WDFY4: variants seen among roughly 807,000 people sequenced by gnomAD.
The protein encoded by WDFY4 is WDFY family member 4.
A neutral mutation model predicts 351.9 loss-of-function variants in WDFY4; 169 were observed. That is an observed-to-expected ratio of 0.48 (90% CI 0.42 to 0.55). The LOEUF (loss-of-function observed/expected upper bound fraction) is 0.55, where lower values mean the gene tolerates loss of function less well. WDFY4 is among the 20% of genes least tolerant of loss of function. The pLI is 0.00. For synonymous variants in WDFY4, 1,622 were observed against 1,574.6 expected, an observed-to-expected ratio of 1.03 and a Z score of -0.71; for missense variants, 3,803 against 3,935.6, an observed-to-expected ratio of 0.97 and a Z score of 0.90.
chr10:48,720,323 C>A (rs968018937), intron 3 of WDFY4, among the ~76,000 whole-genome samples, 198 bp downstream of exon 3: 1 of 152,118 alleles, frequency 6.6e-6, no homozygotes, highest in African/African-American at 2.4e-5. Context: ...GTCGGGGAGC[C>A]CTGCTGTTCC....
intron 39 of WDFY4, among the ~76,000 whole-genome samples, chr10:48,833,902 C>T (rs531314150): frequency 8.2e-4 from 125 of 152,322 alleles, no homozygotes; most frequent in African/African-American, 3.0e-3. Flanking sequence ...TGAGGTGGAG[C>T]CTAAATCCCA....
intron 54 of WDFY4, 27 bp downstream of exon 54, chr10:48,964,081 G>C: frequency 2.6e-6 from 4 of 1,547,888 alleles, no homozygotes; most frequent in Non-Finnish European, 3.5e-6. Flanking sequence ...CATTTGCCTT[G>C]CTTTCTCAAA....
At chr10:48,702,841 C>A (rs2063518231) in intron 1 of WDFY4, among the ~76,000 whole-genome samples, 1 of 152,168 alleles carries the variant, frequency 6.6e-6, no homozygotes, top group African/African-American at 2.4e-5. Flanking sequence ...GTTTGCATTC[C>A]CACCAGCAAG....
At chr10:48,793,803 T>C (rs187135169) in intron 23 of WDFY4, among the ~76,000 whole-genome samples, 131 of 152,282 alleles carry the variant, frequency 8.6e-4, no homozygotes, top group African/African-American at 3.0e-3. Flanking sequence ...CAGGAGTGGA[T>C]TTCATCAGTT....
rs117128988 is a variant in WDFY4, at chr10:48,684,987, C to T, written c.-32C>T. Reference sequence around the variant, plus strand: ...GCCTTCTGATGTCTACAGGCGCTGACGGCCACCCCTCCAGGTAGGCCACCT... The same window carrying T: ...GCCTTCTGATGTCTACAGGCGCTGATGGCCACCCCTCCAGGTAGGCCACCT... On this transcript the variant is annotated 5_prime_UTR_variant, in exon 1 of 62. It adds an upstream start codon to the 5' untranslated region. Coordinates refer to ENST00000325239, the MANE Select transcript of WDFY4 (RefSeq NM_001394531.1). 1.2e-4 allele frequency: 18 copies of T among 152,480 alleles called. No individual in the cohort carries two copies. Among genetic ancestry groups the T allele is most frequent in the Admixed American group, 6.5e-4 (10 of 15,312 alleles). The allele number at this position is 152,480 out of a possible 1,614,324, so 9.4% of individuals were successfully genotyped here.
chr10:48,970,253 G>C lies in WDFY4; in HGVS notation c.8892G>C (p.Met2964Ile), dbSNP rs1208210082. The C allele has an allele frequency of 5.8e-6, 9 of 1,551,554 alleles. No individual in the cohort carries two copies. In the East Asian group the frequency reaches 1.7e-4, roughly 29 times the overall value. Residue 2964 changes from methionine to isoleucine, a missense_variant, in exon 57 of 62, where the codon ATG becomes ATC. Coordinates refer to ENST00000325239, the MANE Select transcript of WDFY4 (RefSeq NM_001394531.1). ...STVVCVWELS[M>I]TKGRPRGLRL... is the part of the protein sequence containing the mutation. ...TGGTGTGTGTGTGGGAGCTCAGCAT[G>C]ACCAAAGGCCGCCCGAGGGGCTTGC...
At chr10:48,695,518 C>A (rs1188603731) in intron 1 of WDFY4, among the ~76,000 whole-genome samples, 1 of 152,228 alleles carries the variant, frequency 6.6e-6, no homozygotes, top group Non-Finnish European at 1.5e-5. Context: ...TTCTGAGTCT[C>A]GCTTTACCCA....
intron 2 of WDFY4, among the ~76,000 whole-genome samples, chr10:48,713,640 G>T (rs1396759568): frequency 6.6e-6 from 1 of 152,180 alleles, no homozygotes; most frequent in Admixed American, 6.5e-5. Context: ...TTCCCTGAGG[G>T]GAGGAGTGAG....
chr10:48,858,305 T>C (rs2069211243), intron 39 of WDFY4, among the ~76,000 whole-genome samples: 1 of 152,214 alleles, frequency 6.6e-6, no homozygotes, highest in African/African-American at 2.4e-5. Flanking sequence ...TCTTTGCTTA[T>C]CCCTAGATAT....
chr10:48,832,467 C>G, intron 38 of WDFY4, 106 bp from the exon 39 acceptor site: 1 of 1,323,656 alleles, frequency 7.6e-7, no homozygotes, highest in South Asian at 1.7e-5. Flanking sequence ...TGGAGGCAAC[C>G]ACAGGGGGCT....
chr10:48,711,692 G>A (rs762688057), intron 2 of WDFY4, among the ~76,000 whole-genome samples: 9 of 152,188 alleles, frequency 5.9e-5, no homozygotes, highest in Non-Finnish European at 8.8e-5. Flanking sequence ...CTGAAATATA[G>A]GAGTAAAGAA....
rs375532996 is a variant in WDFY4, at chr10:48,977,211, C to A, written c.9291+232C>A. ...ACACACACATGCACACACACACAGA[C>A]ACACACTAAAATAAATACTGTTACA... is the stretch of plus-strand genomic sequence containing the variant. On this transcript the variant is annotated intron_variant, in intron 59 of 61. Transcript: ENST00000325239. 927 of 338,708 alleles carry A rather than the reference C, an allele frequency of 2.7e-3. 14 individuals carry two copies. The highest frequency in any genetic ancestry group is 3.1e-3 in the Middle Eastern group (4 of 1,276). The allele number at this position is 338,708 out of a possible 1,614,324, so 21.0% of individuals were successfully genotyped here.
Position 48,981,428 on chromosome 10 carries a change from A to C in WDFY4, c.9438A>C (p.Thr3146=), listed in dbSNP as rs1280337625. 6.4e-7 allele frequency: 1 copy of C among 1,551,750 alleles called. No individual in the cohort carries two copies. Among genetic ancestry groups the C allele is most frequent in the Non-Finnish European group, 8.7e-7 (1 of 1,147,004 alleles). Reference sequence around the variant, plus strand: ...AGCTGGACGTTAGCATTGCTTTGACAGGGAAGCCCAGCAAAACCAGCCCCG... The same window carrying C: ...AGCTGGACGTTAGCATTGCTTTGACCGGGAAGCCCAGCAAAACCAGCCCCG... ...SRELDVSIAL[T]GKPSKTSPAV... Residue 3146 remains threonine (T), a synonymous_variant, in exon 61 of 62, where the codon ACA becomes ACC. Transcript: ENST00000325239.
At chr10:48,794,040 G>A (rs898056699) in intron 23 of WDFY4, among the ~76,000 whole-genome samples, 4 of 152,156 alleles carry the variant, frequency 2.6e-5, no homozygotes, top group African/African-American at 4.8e-5. Flanking sequence ...CCTCCACACG[G>A]CTAGGAGGAG....
intron 1 of WDFY4, among the ~76,000 whole-genome samples, chr10:48,686,729 T>G (rs1336562647): frequency 1.3e-5 from 2 of 152,248 alleles, no homozygotes; most frequent in African/African-American, 4.8e-5. Flanking sequence ...ATTAGATGAG[T>G]GTACCTCAAT....
In WDFY4 at chr10:48,830,758, G is replaced by A. The variant is rs771065384; in HGVS notation, c.6399G>A (p.Arg2133=). 32 of 1,551,566 alleles carry A rather than the reference G, an allele frequency of 2.1e-5. No individual in the cohort carries two copies. The highest frequency in any genetic ancestry group is 2.6e-5 in the Non-Finnish European group (30 of 1,146,962). ...TCTGGCAGCAGCTGGTGGCACAAAG[G>A]CAGCAGACCCTGGAGGATGCCTTCA... is the stretch of plus-strand genomic sequence containing the variant. ...QTLWQQLVAQ[R]QQTLEDAFKI... is the part of the protein sequence containing the mutation. Residue 2133 remains arginine (R), a synonymous_variant, in exon 38 of 62, where the codon AGG becomes AGA. Coordinates refer to ENST00000325239, the MANE Select transcript of WDFY4 (RefSeq NM_001394531.1).
chr10:48,764,468 A>G (rs2065606439), intron 13 of WDFY4, among the ~76,000 whole-genome samples: 1 of 152,248 alleles, frequency 6.6e-6, no homozygotes, highest in Admixed American at 6.5e-5. Context: ...AATTGGGAAT[A>G]AAGATACTTT....
At chr10:48,960,385 G>A (rs947115969) in intron 53 of WDFY4, among the ~76,000 whole-genome samples, 10 of 152,280 alleles carry the variant, frequency 6.6e-5, no homozygotes, top group African/African-American at 1.4e-4. Context: ...CATACCCACC[G>A]GAGTGGCTTA....
chr10:48,850,345 CTTAT>C (rs1439878135), intron 39 of WDFY4, among the ~76,000 whole-genome samples: 1 of 152,214 alleles, frequency 6.6e-6, no homozygotes, highest in Non-Finnish European at 1.5e-5. Flanking sequence ...TTTCTTCAAT[CTTAT>C]TTATGTCGGT....
Sources: gnomAD v4.1 joint callset for allele counts (sites outside exome capture counted in the v4.1 genomes callset) on GRCh38, gnomAD v4.1.1 for gene constraint, MANE v1.5 for transcripts, NCBI Gene and HGNC (gene_info 2026-07-23, HGNC 2026-07-21) for gene names.